Variants in RNF11 observed in about 807,000 individuals in gnomAD.
The protein encoded by RNF11 is ring finger protein 11.
A neutral mutation model predicts 15.8 loss-of-function variants in RNF11; 4 were observed. The ratio of observed to expected loss-of-function variants is 0.25; its 90% CI spans 0.12 to 0.58. The LOEUF (loss-of-function observed/expected upper bound fraction) is 0.58. RNF11 is among the 20% of genes least tolerant of loss of function. RNF11 has a pLI of 0.91. For missense variants in RNF11, 139 were observed against 194.4 expected, an observed-to-expected ratio of 0.71 and a Z score of 1.70; for synonymous variants, 68 against 72.3, an observed-to-expected ratio of 0.94 and a Z score of 0.30.
intron 1 of RNF11, among the ~76,000 whole-genome samples, chr1:51,253,975 A>T (rs577852505): frequency 1.9e-4 from 29 of 152,298 alleles, no homozygotes; most frequent in Non-Finnish European, 3.4e-4. Flanking sequence ...CTCTAAAAAA[A>T]AAAAAGGGAA....
chr1:51,255,541 G>C (rs1459929729), intron 1 of RNF11, among the ~76,000 whole-genome samples: 1 of 152,222 alleles, frequency 6.6e-6, no homozygotes, highest in Non-Finnish European at 1.5e-5. Context: ...ACAGGCGTGG[G>C]CGACTGCACC....
At chr1:51,264,297 T>TATAA (rs1553169452) in intron 1 of RNF11, among the ~76,000 whole-genome samples, 45 of 87,560 alleles carry the variant, frequency 5.1e-4, no homozygotes, top group Non-Finnish European at 6.9e-4. Flanking sequence ...AATATATATA[T>TATAA]ATATATATAT....
In RNF11 at chr1:51,265,853, CTTTTTTTTTT is replaced by C. The variant is rs34187618; in HGVS notation, c.124-4094_124-4085del. ...ACTTATCTGCTTATTCCTTACAATA[CTTTTTTTTTT>C]TTTTTTTTAACAGAGTCTAGCTCTG... On this transcript the variant is annotated intron_variant, in intron 1 of 2. Transcript: ENST00000242719. The C allele has an allele frequency of 2.1e-5, 3 of 139,934 alleles. No individual in the cohort carries two copies. The Admixed American group carries it at 2.1e-4, about 10-fold the overall frequency. The allele number at this position is 139,934 out of a possible 1,614,324, so 8.7% of individuals were successfully genotyped here.
At chr1:51,249,496 A>G (rs996442444) in intron 1 of RNF11, among the ~76,000 whole-genome samples, 1 of 152,068 alleles carries the variant, frequency 6.6e-6, no homozygotes, top group African/African-American at 2.4e-5. Context: ...GCCCCCTCCA[A>G]CAGTTAGTAC....
chr1:51,247,283 A>G (rs546048574), intron 1 of RNF11, among the ~76,000 whole-genome samples: 1 of 151,846 alleles, frequency 6.6e-6, no homozygotes, highest in Non-Finnish European at 1.5e-5. Flanking sequence ...AGGTATGATC[A>G]TAGCACACTA....
At chr1:51,258,663 T>C (rs1309855435) in intron 1 of RNF11, among the ~76,000 whole-genome samples, 1 of 152,224 alleles carries the variant, frequency 6.6e-6, no homozygotes, top group Non-Finnish European at 1.5e-5. Context: ...CATTTGGAAG[T>C]AAACAGCCCT....
At chr1:51,263,080 A>G (rs963858175) in intron 1 of RNF11, among the ~76,000 whole-genome samples, 1 of 152,164 alleles carries the variant, frequency 6.6e-6, no homozygotes, top group African/African-American at 2.4e-5. Context: ...TCACTTACCA[A>G]TACAGCTCTC....
intron 1 of RNF11, among the ~76,000 whole-genome samples, chr1:51,255,183 T>C (rs1201264644): frequency 2.0e-5 from 3 of 152,234 alleles, no homozygotes; most frequent in East Asian, 3.8e-4. Flanking sequence ...CTACTACTTA[T>C]ATATCATGCA....
intron 2 of RNF11, among the ~76,000 whole-genome samples, chr1:51,270,897 G>A (rs1182023336): frequency 6.6e-6 from 1 of 152,194 alleles, no homozygotes; most frequent in African/African-American, 2.4e-5. Context: ...TAGATTTGAT[G>A]CATATGTAAT....
At chr1:51,237,058 C>T (rs1046628816) in intron 1 of RNF11, among the ~76,000 whole-genome samples, 179 bp downstream of exon 1, 3 of 152,180 alleles carry the variant, frequency 2.0e-5, no homozygotes, top group African/African-American at 7.2e-5. Flanking sequence ...GATTCTTCGC[C>T]TGCCCTCGGG....
intron 1 of RNF11, among the ~76,000 whole-genome samples, chr1:51,254,093 A>G (rs777313513): frequency 1.6e-4 from 24 of 152,250 alleles, no homozygotes; most frequent in African/African-American, 2.4e-4. Context: ...ACAATAAAGC[A>G]TACCTCTTTG....
chr1:51,240,003 T>C (rs1253923684), intron 1 of RNF11, among the ~76,000 whole-genome samples: 1 of 152,206 alleles, frequency 6.6e-6, no homozygotes, highest in African/African-American at 2.4e-5. Flanking sequence ...ATGGTTTCTT[T>C]TGTAGCCTCC....
At chr1:51,253,328 C>A (rs1195900049) in intron 1 of RNF11, among the ~76,000 whole-genome samples, 1 of 151,776 alleles carries the variant, frequency 6.6e-6, no homozygotes, top group Admixed American at 6.6e-5. Flanking sequence ...AGGTTGAGAC[C>A]AGCCTGGGCA....
At chr1:51,250,600 A>T (rs145352378) in intron 1 of RNF11, 6 of 666,316 alleles carry the variant, frequency 9.0e-6, no homozygotes, top group East Asian at 7.8e-5. Context: ...TAAAAACCCT[A>T]TGTTGTAGCC....
chr1:51,246,497 G>T (rs1646852117), intron 1 of RNF11, among the ~76,000 whole-genome samples: 1 of 152,116 alleles, frequency 6.6e-6, no homozygotes, highest in African/African-American at 2.4e-5. Flanking sequence ...TTGAGCTCAG[G>T]AGTTGGAAGG....
chr1:51,271,299 C>T lies in RNF11; in HGVS notation c.442C>T (p.Leu148Phe). 6.2e-7 allele frequency: 1 copy of T among 1,613,778 alleles called. No individual in the cohort carries two copies. Among genetic ancestry groups the T allele is most frequent in the Non-Finnish European group, 8.5e-7 (1 of 1,179,768 alleles). Residue 148 changes from leucine to phenylalanine, a missense_variant, in exon 3 of 3, where the codon CTT (leucine) becomes TTT (phenylalanine). Leu to Phe is a conservative substitution (Grantham distance 22, BLOSUM62 0). Coordinates refer to ENST00000242719, the MANE Select transcript of RNF11 (RefSeq NM_014372.5). ...CATGGAGCCAGTTGATGCAGCACTG[C>T]TTTCATCCTATGAGACTAATTGAGC... ...SCMEPVDAALLSSYETN is the reference protein window; with the variant it reads ...SCMEPVDAALFSSYETN
At chr1:51,266,261 A>T (rs192147086) in intron 1 of RNF11, among the ~76,000 whole-genome samples, 104 of 152,250 alleles carry the variant, frequency 6.8e-4, no homozygotes, top group Middle Eastern at 6.8e-3. Context: ...GGACCTATTG[A>T]AGTTCCTGTG....
In RNF11 at chr1:51,270,239, C is replaced by G. The variant is rs564880892; in HGVS notation, c.293+114C>G. 4.2e-6 allele frequency: 3 copies of G among 710,838 alleles called. No individual in the cohort carries two copies. The East Asian group carries it at 8.4e-5, about 20-fold the overall frequency. 44.0% of individuals were successfully genotyped at this position (710,838 alleles called of 1,614,324 possible). ...AGACATTTAATATATTGAAACACTT[C>G]GCTTAATGCAAGAGAATGTTTAATT... is the stretch of plus-strand genomic sequence containing the variant. On this transcript the variant is annotated intron_variant, in intron 2 of 2. Coordinates refer to ENST00000242719, the MANE Select transcript of RNF11 (RefSeq NM_014372.5).
chr1:51,241,993 T>C (rs1360909843), intron 1 of RNF11, among the ~76,000 whole-genome samples: 1 of 152,236 alleles, frequency 6.6e-6, no homozygotes, highest in Non-Finnish European at 1.5e-5. Context: ...CTAATCTGAA[T>C]ATATAAAAAT....
Sources: allele counts gnomAD v4.1 joint callset (sites outside exome capture counted in the v4.1 genomes callset), GRCh38; gene constraint gnomAD v4.1.1; transcripts MANE v1.5; gene names NCBI Gene and HGNC (gene_info 2026-07-23, HGNC 2026-07-21).